Variants in NUDCD1 observed in about 807,000 individuals in gnomAD.
NUDCD1 encodes the protein nudC domain-containing protein 1.
NUDCD1 carries 60 observed loss-of-function variants against 67.8 expected under a neutral mutation model. The ratio of observed to expected loss-of-function variants is 0.88; its 90% CI spans 0.72 to 1.10. NUDCD1 has a LOEUF of 1.10. Among genes scored for constraint, NUDCD1 ranks in the 50% least tolerant of loss-of-function variants. The pLI, the probability that NUDCD1 is intolerant of heterozygous loss-of-function variation, is 0.00. For synonymous variants in NUDCD1, 244 were observed against 230.8 expected (o/e 1.06, Z -0.52); for missense variants, 643 against 695.0 (o/e 0.93, Z 0.84).
chr8:109,313,372 A>G (rs1815303382), intron 2 of NUDCD1, among the ~76,000 whole-genome samples: 1 of 152,244 alleles, frequency 6.6e-6, no homozygotes, highest in Admixed American at 6.5e-5. Flanking sequence ...TGCAGAATAC[A>G]TACAATATGA....
At chr8:109,306,383 C>T (rs1371551716) in intron 2 of NUDCD1, among the ~76,000 whole-genome samples, 5 of 152,146 alleles carry the variant, frequency 3.3e-5, no homozygotes, top group Non-Finnish European at 7.4e-5. Flanking sequence ...CTATCAATCT[C>T]ACTCACTCTC....
At chr8:109,295,275 C>T (rs887494069) in intron 3 of NUDCD1, among the ~76,000 whole-genome samples, 15 of 152,040 alleles carry the variant, frequency 9.9e-5, no homozygotes, top group African/African-American at 3.6e-4. Flanking sequence ...CAGATAAATT[C>T]CCACTCATAT....
chr8:109,308,342 A>G (rs1371736096), intron 2 of NUDCD1, among the ~76,000 whole-genome samples: 1 of 152,194 alleles, frequency 6.6e-6, no homozygotes, highest in African/African-American at 2.4e-5. Context: ...CTAAGTGGAA[A>G]GTTCATAGCC....
At chr8:109,252,434 G>A (rs1382532234) in intron 8 of NUDCD1, among the ~76,000 whole-genome samples, 1 of 151,822 alleles carries the variant, frequency 6.6e-6, no homozygotes, top group African/African-American at 2.4e-5. Context: ...TCCCTCAGCA[G>A]CTTAGGCTGC....
intron 1 of NUDCD1, among the ~76,000 whole-genome samples, chr8:109,323,041 A>G (rs1815579897): frequency 6.6e-6 from 1 of 152,224 alleles, no homozygotes; most frequent in African/African-American, 2.4e-5. Flanking sequence ...TACTTACAGA[A>G]CAGAGATTTC....
chr8:109,325,474 C>A (rs1815658828), intron 1 of NUDCD1, among the ~76,000 whole-genome samples: 1 of 152,140 alleles, frequency 6.6e-6, no homozygotes, highest in South Asian at 2.1e-4. Flanking sequence ...CCCAGTTTAT[C>A]AATTTAACAT....
intron 8 of NUDCD1, among the ~76,000 whole-genome samples, chr8:109,259,268 C>T (rs1813812173): frequency 6.6e-6 from 1 of 152,218 alleles, no homozygotes; most frequent in Admixed American, 6.5e-5. Flanking sequence ...CCACATTTCC[C>T]CGTGGAAACT....
chr8:109,250,567 G>C lies in NUDCD1; in HGVS notation c.1300-5086C>G, dbSNP rs145600904. Among the ~76,000 whole-genome samples, 796 of 152,292 alleles carry C rather than the reference G, an allele frequency of 5.2e-3. 4 individuals are homozygous for C. Among genetic ancestry groups the C allele is most frequent in the Admixed American group, 0.01 (158 of 15,296 alleles). ...GAGCAGACATCTTGGCCTGTTCCCAGTTGTAGCAGAAGCCTTCAGTCTTTT... is the reference window on the plus strand; with the variant it reads ...GAGCAGACATCTTGGCCTGTTCCCACTTGTAGCAGAAGCCTTCAGTCTTTT... On this transcript the variant is annotated intron_variant, in intron 8 of 9. Coordinates refer to ENST00000239690, the MANE Select transcript of NUDCD1 (RefSeq NM_032869.4).
Position 109,242,231 on chromosome 8 carries a change from T to C in NUDCD1, c.*778A>G. On this transcript the variant is annotated 3_prime_UTR_variant, in exon 10 of 10. Transcript: ENST00000239690. ...TGTACAGGATCGATAAGCTCTTGCA[T>C]ATTGGAGCTTGCTCTCTTAAGATGT... 2.5e-6 allele frequency: 1 copy of C among 397,028 alleles called. No homozygotes were observed. The highest frequency in any genetic ancestry group is 4.4e-6 in the Non-Finnish European group (1 of 224,874). 24.6% of individuals were successfully genotyped at this position (397,028 alleles called of 1,614,324 possible). A position where few individuals can be genotyped will look rare whatever the true frequency, so the allele number is the denominator to read the frequency against.
Position 109,263,054 on chromosome 8 carries a change from C to CAAAA in NUDCD1, c.1299+7947_1299+7950dup, listed in dbSNP as rs59659347. 1.7e-3 allele frequency among the ~76,000 whole-genome samples: 70 copies of CAAAA among 41,966 alleles called. 5 individuals carry two copies. The highest frequency in any genetic ancestry group is 4.6e-3 in the African/African-American group (48 of 10,428). 27.5% of individuals were successfully genotyped at this position (41,966 alleles called of 152,430 possible). On this transcript the variant is annotated intron_variant, in intron 8 of 9. Transcript: ENST00000239690. ...CGGGGGACAGAGTGAGACTCTGTCT[C>CAAAA]AAAAAAAAAAAAAAAAAAAAAAAAA...
At chr8:109,306,400 C>A (rs931068263) in intron 2 of NUDCD1, among the ~76,000 whole-genome samples, 5 of 152,130 alleles carry the variant, frequency 3.3e-5, no homozygotes, top group African/African-American at 9.7e-5. Flanking sequence ...TCTCTCCTAG[C>A]CGTTTCTAAT....
intron 8 of NUDCD1, among the ~76,000 whole-genome samples, chr8:109,261,342 A>G (rs1210721822): frequency 6.6e-6 from 1 of 152,190 alleles, no homozygotes; most frequent in African/African-American, 2.4e-5. Context: ...TGAAAAATCC[A>G]CACTAGAATG....
intron 2 of NUDCD1, among the ~76,000 whole-genome samples, chr8:109,305,626 C>T (rs1268588667): frequency 6.6e-6 from 1 of 152,134 alleles, no homozygotes; most frequent in East Asian, 1.9e-4. Context: ...CTTGCTCGGC[C>T]CCAACCTCAT....
chr8:109,244,930 G>A (rs956879402), intron 9 of NUDCD1, among the ~76,000 whole-genome samples: 2 of 152,062 alleles, frequency 1.3e-5, no homozygotes, highest in African/African-American at 4.8e-5. Context: ...TACACCTTAG[G>A]GGAATTCTAT....
At chr8:109,260,583 T>C (rs1476282483) in intron 8 of NUDCD1, among the ~76,000 whole-genome samples, 1 of 152,174 alleles carries the variant, frequency 6.6e-6, no homozygotes, top group African/African-American at 2.4e-5. Flanking sequence ...AGAAATCAAA[T>C]GCAATATGAG....
intron 2 of NUDCD1, among the ~76,000 whole-genome samples, chr8:109,321,222 G>T (rs1815526154): frequency 6.6e-6 from 1 of 152,148 alleles, no homozygotes; most frequent in African/African-American, 2.4e-5. Flanking sequence ...GCTATTAACA[G>T]ATTATTGGCT....
At chr8:109,327,230 G>C (rs1415898532) in intron 1 of NUDCD1, among the ~76,000 whole-genome samples, 3 of 152,224 alleles carry the variant, frequency 2.0e-5, no homozygotes, top group African/African-American at 4.8e-5. Context: ...GGGAGGACCA[G>C]AGTTAAGAGC....
intron 8 of NUDCD1, among the ~76,000 whole-genome samples, chr8:109,263,054 C>CAAAAAAAAAAAA (rs59659347): frequency 2.6e-4 from 11 of 42,010 alleles, no homozygotes; most frequent in Non-Finnish European, 1.6e-4. Context: ...GACTCTGTCT[C>CAAAAAAAAAAAA]AAAAAAAAAA....
chr8:109,282,019 A>G (rs947705681), intron 5 of NUDCD1, among the ~76,000 whole-genome samples: 1 of 152,142 alleles, frequency 6.6e-6, no homozygotes, highest in African/African-American at 2.4e-5. Context: ...CCCTGTCCAG[A>G]GAACTTGGGG....
Sources: allele counts gnomAD v4.1 joint callset (sites outside exome capture counted in the v4.1 genomes callset), GRCh38; gene constraint gnomAD v4.1.1; transcripts MANE v1.5; gene names NCBI Gene and HGNC (gene_info 2026-07-23, HGNC 2026-07-21).